Variants in ZC2HC1C observed in about 807,000 individuals in gnomAD.
ZC2HC1C encodes zinc finger C2HC-type containing 1C, also known as zinc finger C2HC domain-containing protein 1C.
ZC2HC1C carries 25 observed loss-of-function variants against 39.2 expected under a neutral mutation model. The ratio of observed to expected loss-of-function variants is 0.64; its 90% confidence interval spans 0.47 to 0.89. The LOEUF is 0.89. Among genes scored for constraint, ZC2HC1C ranks in the 40% least tolerant of loss-of-function variants. The probability of loss-of-function intolerance (pLI) is 0.00; values close to 1 mark genes in which losing one functional copy is unlikely to be tolerated. For synonymous variants in ZC2HC1C, 209 were observed against 214.4 expected, an observed-to-expected ratio of 0.97 and a Z score of 0.22; for missense variants, 519 against 548.6, an observed-to-expected ratio of 0.95 and a Z score of 0.54.
chr14:75,071,249 G>A lies in ZC2HC1C; in HGVS notation c.676G>A (p.Glu226Lys). ...LEAAGESLEE[E>K]IRRKQILLRG... ...AGCTGCAGGGGAGAGCTTAGAGGAG[G>A]AAATCCGAAGAAAGCAGATTCTCCT... Residue 226 changes from glutamate to lysine, a missense_variant, in exon 2 of 3, where the codon GAA (glutamate) becomes AAA (lysine). By Grantham distance (56) the Glu-to-Lys change is moderately conservative. Transcript: ENST00000524913. The A allele has an allele frequency of 6.2e-7, 1 of 1,614,148 alleles. No individual in the cohort carries two copies. Among genetic ancestry groups the A allele is most frequent in the Non-Finnish European group, 8.5e-7 (1 of 1,180,030 alleles).
chr14:75,072,395 T>C (rs1893468673), intron 2 of ZC2HC1C, among the ~76,000 whole-genome samples: 1 of 152,260 alleles, frequency 6.6e-6, no homozygotes, highest in Non-Finnish European at 1.5e-5. Flanking sequence ...TGACCATTCC[T>C]TTAACTATTC....
intron 1 of ZC2HC1C, among the ~76,000 whole-genome samples, chr14:75,070,148 A>C (rs1233976505): frequency 1.3e-5 from 2 of 152,128 alleles, no homozygotes; most frequent in African/African-American, 2.4e-5. Flanking sequence ...GTGAGGCTGG[A>C]CTCTGCGGGA....
At chr14:75,074,878 G>C (rs986910081) in intron 2 of ZC2HC1C, among the ~76,000 whole-genome samples, 1 of 152,080 alleles carries the variant, frequency 6.6e-6, no homozygotes, top group African/African-American at 2.4e-5. Flanking sequence ...GTTCTACCTG[G>C]TAACTTCTTA....
At chr14:75,076,572 T>G (rs1412351494) in intron 2 of ZC2HC1C, among the ~76,000 whole-genome samples, 1 of 152,224 alleles carries the variant, frequency 6.6e-6, no homozygotes, top group Non-Finnish European at 1.5e-5. Context: ...CTGGCCTCTA[T>G]TTAAATAATT....
chr14:75,070,710 A>T lies in ZC2HC1C; in HGVS notation c.137A>T (p.Lys46Met). The T allele has an allele frequency of 6.2e-7, 1 of 1,614,206 alleles. No homozygotes were observed. Among genetic ancestry groups the T allele is most frequent in the South Asian group, 1.1e-5 (1 of 91,086 alleles). The stretch of plus-strand genomic sequence containing the variant: ...GGTGACTCTTCCCAGCAGTCCTTGA[A>T]GGGGCACCTGAGGAACAATTTCCAG... ...EQGDSSQQSL[K>M]GHLRNNFQKQ... The change falls in exon 2 of 3, where the codon AAG (lysine) becomes ATG (methionine). Residue 46 changes from lysine (K) to methionine (M), a missense_variant. Physicochemically the swap from Lys to Met is moderately conservative, Grantham distance 95 (BLOSUM62 -1). Transcript: ENST00000524913.
In ZC2HC1C at chr14:75,071,234, G is replaced by T. The variant is rs1393725022; in HGVS notation, c.661G>T (p.Glu221Ter). 3 of 1,614,086 alleles carry T rather than the reference G, an allele frequency of 1.9e-6. No individual in the cohort carries two copies. Among genetic ancestry groups the T allele is most frequent in the African/African-American group, 2.7e-5 (2 of 74,928 alleles). Residue 221 changes from glutamate to a stop codon, truncating the protein, a stop_gained, in exon 2 of 3, where the codon GAG becomes TAG. Coordinates refer to ENST00000524913, the MANE Select transcript of ZC2HC1C (RefSeq NM_024643.4). LOFTEE classifies it high-confidence loss of function. The stretch of plus-strand genomic sequence containing the variant: ...GATCCGAAGACTAGAAGCTGCAGGG[G>T]AGAGCTTAGAGGAGGAAATCCGAAG... The part of the protein sequence containing the change: ...VQIRRLEAAG[E>*]SLEEEIRRKQ...
Position 75,070,800 on chromosome 14 carries a change from C to A in ZC2HC1C, c.227C>A (p.Thr76Asn), listed in dbSNP as rs1284034696. 1.9e-6 allele frequency: 3 copies of A among 1,614,228 alleles called. No homozygotes were observed. The African/African-American group carries it at 4.0e-5, about 22-fold the overall frequency. The change falls in exon 2 of 3, where the codon ACC (threonine) becomes AAC (asparagine). Residue 76 changes from threonine to asparagine, a missense_variant. Thr to Asn is a moderately conservative substitution (Grantham distance 65, BLOSUM62 0). Transcript: ENST00000524913. ...DKVYTHPKWN[T>N]QTKARSYSYP... ...GTCTATACTCACCCCAAATGGAACA[C>A]CCAAACAAAAGCCCGGAGCTACTCC...
In ZC2HC1C at chr14:75,077,803, A is replaced by G. The variant is rs1893750262; in HGVS notation, c.*239A>G. ...AGGAAGCATTATAGTTGAGCAGACA[A>G]CAATGGAAACTTTTGGATAGTTCAG... On this transcript the variant is annotated 3_prime_UTR_variant, in exon 3 of 3. Transcript: ENST00000524913. 5 of 541,728 alleles carry G rather than the reference A, an allele frequency of 9.2e-6. No homozygotes were observed. The East Asian group carries it at 1.6e-4, about 17-fold the overall frequency. 33.6% of individuals were successfully genotyped at this position (541,728 alleles called of 1,614,324 possible).
Position 75,071,166 on chromosome 14 carries a change from C to T in ZC2HC1C, c.593C>T (p.Ala198Val), listed in dbSNP as rs375475399. 8.7e-6 allele frequency: 14 copies of T among 1,613,958 alleles called. No individual in the cohort carries two copies. Among genetic ancestry groups the T allele is most frequent in the Middle Eastern group, 1.6e-4 (1 of 6,084 alleles). The change falls in exon 2 of 3, where the codon GCG (alanine) becomes GTG (valine). Residue 198 changes from alanine (A) to valine (V), a missense_variant. Ala to Val is a moderately conservative substitution (Grantham distance 64, BLOSUM62 0). Coordinates refer to ENST00000524913, the MANE Select transcript of ZC2HC1C (RefSeq NM_024643.4). ...VVGTVLAATQ[A>V]EKAVANFDRT... ...GGTACTGTTCTTGCTGCCACGCAGG[C>T]GGAGAAGGCCGTGGCAAACTTTGAC...
chr14:75,077,156 A>C (rs1205195548), intron 2 of ZC2HC1C, among the ~76,000 whole-genome samples: 6 of 152,154 alleles, frequency 3.9e-5, no homozygotes, highest in African/African-American at 1.4e-4. Flanking sequence ...TGTGTGGTTC[A>C]ATTTCTCCAG....
intron 2 of ZC2HC1C, chr14:75,073,652 C>T (rs775640544): frequency 1.3e-5 from 17 of 1,286,802 alleles, no homozygotes; most frequent in Non-Finnish European, 1.6e-5. Flanking sequence ...TTCCTGGTAT[C>T]CTTTAATCTT....
At position 75,070,820 on chromosome 14, in the gene ZC2HC1C, TA is replaced by T; in HGVS notation, c.248del (p.Tyr83SerfsTer59). 6.2e-7 allele frequency: 1 copy of T among 1,614,212 alleles called. No individual in the cohort carries two copies. The highest frequency in any genetic ancestry group is 8.5e-7 in the Non-Finnish European group (1 of 1,180,042). ...GAACACCCAAACAAAAGCCCGGAGC[TA>T]CTCCTATCCCCACTGTACTGGAATC... Reference protein sequence around the residue: ...KWNTQTKARSYSYPHCTGISQ... With the variant: ...KWNTQTKARSXSYPHCTGISQ... On this transcript the variant is annotated frameshift_variant, in exon 2 of 3. Transcript: ENST00000524913. LOFTEE classifies it high-confidence loss of function.
chr14:75,071,684 T>A lies in ZC2HC1C; in HGVS notation c.1111T>A (p.Ser371Thr). 1 of 1,614,184 alleles carries A rather than the reference T, an allele frequency of 6.2e-7. No individual in the cohort carries two copies. Among genetic ancestry groups the A allele is most frequent in the Non-Finnish European group, 8.5e-7 (1 of 1,180,026 alleles). Residue 371 changes from serine to threonine, a missense_variant, in exon 2 of 3, where the codon TCC becomes ACC. Transcript: ENST00000524913. Reference sequence around the variant, plus strand: ...GGGATCCGCCAGAAATTCCAGCCTGTCCATGGCACCAGACTCCTCAGGTTC... The same window carrying A: ...GGGATCCGCCAGAAATTCCAGCCTGACCATGGCACCAGACTCCTCAGGTTC... ...LQGSARNSSL[S>T]MAPDSSGSSG...
chr14:75,076,616 T>C (rs1893682528), intron 2 of ZC2HC1C, among the ~76,000 whole-genome samples: 1 of 152,206 alleles, frequency 6.6e-6, no homozygotes, highest in Non-Finnish European at 1.5e-5. Flanking sequence ...TAATTTACAA[T>C]AGTTCTTTCT....
chr14:75,071,245 G>A lies in ZC2HC1C; in HGVS notation c.672G>A (p.Glu224=). The part of the protein sequence containing the change: ...RRLEAAGESL[E]EEIRRKQILL... ...TAGAAGCTGCAGGGGAGAGCTTAGA[G>A]GAGGAAATCCGAAGAAAGCAGATTC... is the stretch of plus-strand genomic sequence containing the variant. Residue 224 remains glutamate, a synonymous_variant, in exon 2 of 3, where the codon GAG becomes GAA. Transcript: ENST00000524913. 6.2e-7 allele frequency: 1 copy of A among 1,614,182 alleles called. No homozygotes were observed.
At position 75,077,675 on chromosome 14, in the gene ZC2HC1C, A is replaced by G. The variant is rs1893745142; in HGVS notation, c.*111A>G. On this transcript the variant is annotated 3_prime_UTR_variant, in exon 3 of 3. Transcript: ENST00000524913. ...CTCCCATCCTGCCTGCAGAAAACCC[A>G]GACTGCATTCAGTGTCCTCAGTGTA... 1 of 1,375,402 alleles carries G rather than the reference A, an allele frequency of 7.3e-7. No individual in the cohort carries two copies. The highest frequency in any genetic ancestry group is 1.0e-6 in the Non-Finnish European group (1 of 982,492). The allele number at this position is 1,375,402 out of a possible 1,614,324, so 85.2% of individuals were successfully genotyped here. A position where few individuals can be genotyped will look rare whatever the true frequency, so the allele number is the denominator to read the frequency against.
At position 75,071,918 on chromosome 14, in the gene ZC2HC1C, A is replaced by G. The variant is rs747693268; in HGVS notation, c.1338+7A>G. The G allele has an allele frequency of 1.9e-6, 3 of 1,576,472 alleles. No individual in the cohort carries two copies. The highest frequency in any genetic ancestry group is 1.9e-5 in the Admixed American group (1 of 53,986). On this transcript the variant is annotated splice_region_variant and intron_variant, in intron 2 of 2. Coordinates refer to ENST00000524913, the MANE Select transcript of ZC2HC1C (RefSeq NM_024643.4). ...GGGGCCAGCTTCAGCCAAGGTAACA[A>G]GAGCCTTATGGATGTGACTTGGTGT...
At chr14:75,073,749 C>A in intron 2 of ZC2HC1C, 1 of 554,396 alleles carries the variant, frequency 1.8e-6, no homozygotes, top group Non-Finnish European at 3.0e-6. Context: ...GTGCTTTGTG[C>A]TTAATAAGTG....
intron 2 of ZC2HC1C, among the ~76,000 whole-genome samples, chr14:75,077,315 G>T (rs1893719666): frequency 6.6e-6 from 1 of 152,138 alleles, no homozygotes; most frequent in African/African-American, 2.4e-5. Flanking sequence ...AACCTCTCAG[G>T]TTCTGTTGGG....
Sources: gnomAD v4.1 joint callset for allele counts (sites outside exome capture counted in the v4.1 genomes callset) on GRCh38, gnomAD v4.1.1 for gene constraint, MANE v1.5 for transcripts, NCBI Gene and HGNC (gene_info 2026-07-23, HGNC 2026-07-21) for gene names.